SUGCT: variants seen among roughly 807,000 people sequenced by gnomAD.
The protein encoded by SUGCT is succinyl-CoA:glutarate CoA-transferase.
Under a neutral mutation model 55.0 loss-of-function variants are expected in SUGCT, and 41 were observed. The observed-to-expected ratio is 0.74, with a 90% CI of 0.58 to 0.97. The LOEUF is 0.97. Among genes scored for constraint, SUGCT ranks in the 50% least tolerant of loss-of-function variants. The probability of loss-of-function intolerance (pLI) is 0.00; values close to 1 mark genes in which losing one functional copy is unlikely to be tolerated. For missense variants in SUGCT, 568 were observed against 547.8 expected (o/e 1.04, Z -0.37); for synonymous variants, 187 against 200.4 (o/e 0.93, Z 0.56).
chr7:40,655,980 A>T (rs1186327221), intron 12 of SUGCT, among the ~76,000 whole-genome samples: 1 of 152,216 alleles, frequency 6.6e-6, no homozygotes, highest in Non-Finnish European at 1.5e-5. Context: ...AGAAGGAAGG[A>T]GCCGAGAGGG....
chr7:40,654,991 C>T (rs1476145595), intron 12 of SUGCT, among the ~76,000 whole-genome samples: 1 of 152,118 alleles, frequency 6.6e-6, no homozygotes, highest in Non-Finnish European at 1.5e-5. Context: ...CAACCAATGC[C>T]TTGATGCCTT....
intron 12 of SUGCT, among the ~76,000 whole-genome samples, chr7:40,558,930 A>G (rs1231502092): frequency 1.3e-5 from 2 of 152,230 alleles, no homozygotes; most frequent in South Asian, 2.1e-4. Flanking sequence ...TTTAAACAAT[A>G]TGCTTGGATA....
Position 40,391,806 on chromosome 7 carries a change from G to A in SUGCT, c.817-57481G>A, listed in dbSNP as rs553644784. ...TGGTCATATACCCGAAGGATTATAAGTCATGCTGCTGTAAAGACACATGCA... is the reference window on the plus strand; with the variant it reads ...TGGTCATATACCCGAAGGATTATAAATCATGCTGCTGTAAAGACACATGCA... On this transcript the variant is annotated intron_variant, in intron 9 of 13. Coordinates refer to ENST00000335693, the MANE Select transcript of SUGCT (RefSeq NM_001193313.2). Among the ~76,000 whole-genome samples, 4 of 152,216 alleles carry A rather than the reference G, an allele frequency of 2.6e-5. No individual in the cohort carries two copies. In the South Asian group the frequency reaches 6.2e-4, roughly 24 times the overall value.
chr7:40,375,241 G>A (rs1270126532), intron 9 of SUGCT, among the ~76,000 whole-genome samples: 2 of 152,072 alleles, frequency 1.3e-5, no homozygotes, highest in African/African-American at 4.8e-5. Flanking sequence ...GTGGGAGAAT[G>A]GTGTTTTATC....
intron 9 of SUGCT, among the ~76,000 whole-genome samples, chr7:40,437,543 T>A (rs1372089773): frequency 6.6e-6 from 1 of 152,220 alleles, no homozygotes; most frequent in Non-Finnish European, 1.5e-5. Context: ...AGGGCTCATC[T>A]ACCATTTGTG....
At chr7:40,663,487 G>A (rs1414546259) in intron 12 of SUGCT, among the ~76,000 whole-genome samples, 3 of 114,888 alleles carry the variant, frequency 2.6e-5, no homozygotes, top group Non-Finnish European at 5.0e-5. Flanking sequence ...TGTGGTGTAT[G>A]TGTGTGTGTG....
At position 40,368,572 on chromosome 7, in the gene SUGCT, T is replaced by A. The variant is rs116950287; in HGVS notation, c.816+51717T>A. Among the ~76,000 whole-genome samples, 30 of 152,278 alleles carry A rather than the reference T, an allele frequency of 2.0e-4. No individual in the cohort carries two copies. The East Asian group carries it at 5.2e-3, about 26-fold the overall frequency. On this transcript the variant is annotated intron_variant, in intron 9 of 13. Coordinates refer to ENST00000335693, the MANE Select transcript of SUGCT (RefSeq NM_001193313.2). ...TGATCACTGCATAGACTTGGAATCT[T>A]TTGTCTGCAGTTGCCTCAAGCTCAG...
intron 11 of SUGCT, among the ~76,000 whole-genome samples, chr7:40,467,435 TGTCTCAAC>T (rs898092900): frequency 2.0e-5 from 3 of 152,154 alleles, no homozygotes; most frequent in African/African-American, 7.2e-5. Context: ...TTATCCTTTG[TGTCTCAAC>T]AATCTAGTTA....
intron 9 of SUGCT, among the ~76,000 whole-genome samples, chr7:40,411,773 TTGAA>T (rs1284040367): frequency 6.6e-6 from 1 of 152,224 alleles, no homozygotes; most frequent in African/African-American, 2.4e-5. Flanking sequence ...CAGGATTAAT[TTGAA>T]TGATCCTACC....
intron 12 of SUGCT, among the ~76,000 whole-genome samples, chr7:40,508,023 C>G (rs1792704628): frequency 6.6e-6 from 1 of 152,210 alleles, no homozygotes. Flanking sequence ...TCTCCACTCT[C>G]TCTTCCACGT....
At chr7:40,914,061 A>C in the SUGCT span, among the ~76,000 whole-genome samples, 1 of 144,072 alleles carries the variant, frequency 6.9e-6, no homozygotes, top group Non-Finnish European at 1.5e-5. Flanking sequence ...TTTTTTTTTC[A>C]GTTTTTTTTT....
chr7:40,312,319 G>A (rs1258207629), intron 8 of SUGCT, among the ~76,000 whole-genome samples: 1 of 152,156 alleles, frequency 6.6e-6, no homozygotes, highest in Non-Finnish European at 1.5e-5. Context: ...GGGATTACAG[G>A]TGTGAGCCAC....
At chr7:40,800,968 C>G (rs1790786384) in intron 13 of SUGCT, among the ~76,000 whole-genome samples, 1 of 152,132 alleles carries the variant, frequency 6.6e-6, no homozygotes, top group South Asian at 2.1e-4. Context: ...GTCACAGAGC[C>G]AGGAAGTGCC....
At chr7:40,337,939 GC>G (rs1276946222) in intron 9 of SUGCT, among the ~76,000 whole-genome samples, 4 of 152,046 alleles carry the variant, frequency 2.6e-5, no homozygotes, top group Non-Finnish European at 5.9e-5. Flanking sequence ...TGTAGGACAG[GC>G]CTGGTGGTGA....
intron 12 of SUGCT, among the ~76,000 whole-genome samples, chr7:40,674,882 T>G (rs1054878224): frequency 2.0e-5 from 3 of 152,056 alleles, no homozygotes; most frequent in Non-Finnish European, 4.4e-5. Flanking sequence ...CTGCCGTCCA[T>G]GATGCAGAAG....
At chr7:40,529,688 A>T (rs1793983620) in intron 12 of SUGCT, among the ~76,000 whole-genome samples, 1 of 151,832 alleles carries the variant, frequency 6.6e-6, no homozygotes, top group African/African-American at 2.4e-5. Context: ...AAGTTAAAGG[A>T]TTTTTTTTTC....
In SUGCT at chr7:40,422,338, A is replaced by G. The variant is rs78821217; in HGVS notation, c.817-26949A>G. On this transcript the variant is annotated intron_variant, in intron 9 of 13. Coordinates refer to ENST00000335693, the MANE Select transcript of SUGCT (RefSeq NM_001193313.2). ...TGTTGGTATTGGGGCAATCACTGCTAAAAGTTACCATATATATTATTTCAT... is the reference window on the plus strand; with the variant it reads ...TGTTGGTATTGGGGCAATCACTGCTGAAAGTTACCATATATATTATTTCAT... Among the ~76,000 whole-genome samples the G allele has an allele frequency of 4.5e-3, 687 of 152,270 alleles. 4 individuals carry two copies. Among genetic ancestry groups the G allele is most frequent in the African/African-American group, 0.016 (646 of 41,552 alleles).
At chr7:41,002,431 A>C in the SUGCT span, among the ~76,000 whole-genome samples, 1 of 152,192 alleles carries the variant, frequency 6.6e-6, no homozygotes. Flanking sequence ...TTACTTTCTC[A>C]GCAATGAGGC....
intron 9 of SUGCT, among the ~76,000 whole-genome samples, chr7:40,338,083 C>G (rs1796819019): frequency 2.0e-5 from 3 of 152,328 alleles, no homozygotes; most frequent in Admixed American, 6.5e-5. Context: ...GGCCCCCACT[C>G]TCTTCTGGCT....
Sources: allele counts gnomAD v4.1 joint callset (sites outside exome capture counted in the v4.1 genomes callset), GRCh38; gene constraint gnomAD v4.1.1; transcripts MANE v1.5; gene names NCBI Gene and HGNC (gene_info 2026-07-23, HGNC 2026-07-21).